Variants in AHR observed in about 807,000 individuals in gnomAD.
The protein encoded by AHR is AH-receptor.
In AHR, 40 loss-of-function variants were observed where a neutral mutation model predicts 86.8. The ratio of observed to expected loss-of-function variants is 0.46; its 90% CI spans 0.36 to 0.60. The LOEUF is 0.60. Among genes scored for constraint, AHR ranks in the 20% least tolerant of loss-of-function variants. The pLI is 0.00. For synonymous variants in AHR, 398 were observed against 354.9 expected (o/e 1.12, Z -1.37); for missense variants, 1,001 against 1,011.6 (o/e 0.99, Z 0.14).
At chr7:17,329,913 C>G in intron 4 of AHR, 39 bp from the exon 5 acceptor site, 1 of 1,554,090 alleles carries the variant, frequency 6.4e-7, no homozygotes, top group Non-Finnish European at 8.7e-7. Flanking sequence ...ATTTTTTAAT[C>G]AGTCCTTTTG....
At position 17,344,946 on chromosome 7, in the gene AHR, T is replaced by C. The variant is rs1019043711; in HGVS notation, c.*1882T>C. The C allele has an allele frequency of 2.7e-5, 4 of 147,610 alleles. No homozygotes were observed. Among genetic ancestry groups the C allele is most frequent in the African/African-American group, 5.0e-5 (2 of 39,824 alleles). The allele number at this position is 147,610 out of a possible 1,614,324, so 9.1% of individuals were successfully genotyped here. The stretch of plus-strand genomic sequence containing the variant: ...ATTCAGCTCTTCTTTTCTTTAGATA[T>C]GAGAGCTGAAGAGCTTAGACACATT... On this transcript the variant is annotated 3_prime_UTR_variant, in exon 11 of 11. Coordinates refer to ENST00000242057, the MANE Select transcript of AHR (RefSeq NM_001621.5).
At position 17,330,884 on chromosome 7, in the gene AHR, C is replaced by G; in HGVS notation, c.703C>G (p.Leu235Val). ...TCTGCTGGATAATTCATCTGGTTTT[C>G]TGGTAAGGTACAAAATTTTATGATA... ...RCLLDNSSGF[L>V]AMNFQGKLKY... The change falls in exon 6 of 11, where the codon CTG becomes GTG. Residue 235 changes from leucine to valine, a missense_variant and splice_region_variant. By Grantham distance (32) the Leu-to-Val change is conservative. Around this residue, in one of 2 missense-constraint regions of AHR, gnomAD observed 394 missense variants for 468.5 expected, o/e 0.84. Coordinates refer to ENST00000242057, the MANE Select transcript of AHR (RefSeq NM_001621.5). 1.9e-6 allele frequency: 3 copies of G among 1,611,198 alleles called. No individual in the cohort carries two copies. Among genetic ancestry groups the G allele is most frequent in the Non-Finnish European group, 8.5e-7 (1 of 1,178,250 alleles).
In AHR at chr7:17,344,484, A is replaced by G. The variant is rs1432388530; in HGVS notation, c.*1420A>G. 6.5e-6 allele frequency: 1 copy of G among 152,704 alleles called. No homozygotes were observed. Among genetic ancestry groups the G allele is most frequent in the Non-Finnish European group, 1.5e-5 (1 of 68,018 alleles). The allele number at this position is 152,704 out of a possible 1,614,324, so 9.5% of individuals were successfully genotyped here. On this transcript the variant is annotated 3_prime_UTR_variant, in exon 11 of 11. Coordinates refer to ENST00000242057, the MANE Select transcript of AHR (RefSeq NM_001621.5). ...ACTGCTTAAAGTTGGTATTAATAAA[A>G]AGACAACCACATAGTTCGTTTACCT...
At chr7:17,319,283 G>A (rs1296377543) in intron 2 of AHR, among the ~76,000 whole-genome samples, 2 of 152,028 alleles carry the variant, frequency 1.3e-5, no homozygotes, top group African/African-American at 4.8e-5. Context: ...TATTGTACAT[G>A]TTATTTTAAT....
intron 9 of AHR, among the ~76,000 whole-genome samples, chr7:17,337,623 C>T (rs1375020185): frequency 3.3e-5 from 5 of 151,052 alleles, no homozygotes; most frequent in Non-Finnish European, 1.5e-5. Context: ...TACAGGCGCC[C>T]GCCACTACGC....
At chr7:17,323,626 T>C (rs182337143) in intron 3 of AHR, among the ~76,000 whole-genome samples, 82 of 152,306 alleles carry the variant, frequency 5.4e-4, no homozygotes, top group Non-Finnish European at 9.9e-4. Context: ...AACTTCACCA[T>C]TGTTACAAAA....
In AHR at chr7:17,312,595, AT is replaced by A. The variant is rs1782077506; in HGVS notation, c.253+2473del. 2.6e-5 allele frequency among the ~76,000 whole-genome samples: 4 copies of A among 152,216 alleles called. No individual in the cohort carries two copies. In the South Asian group the frequency reaches 8.3e-4, roughly 31 times the overall value. On this transcript the variant is annotated intron_variant, in intron 2 of 10. Coordinates refer to ENST00000242057, the MANE Select transcript of AHR (RefSeq NM_001621.5). ...TCAAGTAAAGGAGATCTCACAGTCT[AT>A]CTTATAAAGCATGTCATAGTTTAAC...
chr7:17,330,608 G>T, intron 5 of AHR, 148 bp from the exon 6 acceptor site: 1 of 630,554 alleles, frequency 1.6e-6, no homozygotes, highest in Admixed American at 3.8e-5. Flanking sequence ...TAAACTTTTA[G>T]TTTCTTGTCA....
Position 17,299,136 on chromosome 7 carries a change from G to C in AHR, c.-129G>C. The C allele has an allele frequency of 1.0e-6, 1 of 1,003,408 alleles. No homozygotes were observed. The highest frequency in any genetic ancestry group is 1.4e-6 in the Non-Finnish European group (1 of 717,356). The allele number at this position is 1,003,408 out of a possible 1,614,324, so 62.2% of individuals were successfully genotyped here. A position where few individuals can be genotyped will look rare whatever the true frequency, so the allele number is the denominator to read the frequency against. ...GGCGCCCACGCCACTGTCCCGAGAG[G>C]ACGCAGGTGGAGCGGGCGCGGCTTC... On this transcript the variant is annotated 5_prime_UTR_variant, in exon 1 of 11. Transcript: ENST00000242057.
At chr7:17,327,887 C>A (rs1782245933) in intron 4 of AHR, 39 bp downstream of exon 4, 4 of 917,940 alleles carry the variant, frequency 4.4e-6, no homozygotes, top group Admixed American at 3.7e-5. Flanking sequence ...ATTATTATAT[C>A]ATTTACTTTT....
chr7:17,344,784 C>T lies in AHR; in HGVS notation c.*1720C>T, dbSNP rs1269993501. 1 of 151,836 alleles carries T rather than the reference C, an allele frequency of 6.6e-6. No homozygotes were observed. The highest frequency in any genetic ancestry group is 2.4e-5 in the African/African-American group (1 of 41,336). 9.4% of individuals were successfully genotyped at this position (151,836 alleles called of 1,614,324 possible). On this transcript the variant is annotated 3_prime_UTR_variant, in exon 11 of 11. Coordinates refer to ENST00000242057, the MANE Select transcript of AHR (RefSeq NM_001621.5). ...TGCTGGGATTACAGGCATGTGCCAC[C>T]ATGCCCAGCTAATTTTTGTATTTTT...
rs565977609 is a variant in AHR, at chr7:17,325,346, T to C, written c.361-2413T>C. Among the ~76,000 whole-genome samples the C allele has an allele frequency of 4.6e-5, 7 of 152,294 alleles. No individual in the cohort carries two copies. In the South Asian group the frequency reaches 1.0e-3, roughly 23 times the overall value. On this transcript the variant is annotated intron_variant, in intron 3 of 10. Transcript: ENST00000242057. ...CTGGCATGTACACCAATGAGTTTAT[T>C]GGAATGTGACTAAATTTGTTTCACT...
intron 2 of AHR, among the ~76,000 whole-genome samples, chr7:17,317,042 A>G (rs1165259663): frequency 6.7e-6 from 1 of 150,202 alleles, no homozygotes. Context: ...TATAATTAAA[A>G]TTGTTACTGT....
chr7:17,341,545 G>T (rs1222027056), intron 10 of AHR, among the ~76,000 whole-genome samples: 1 of 152,076 alleles, frequency 6.6e-6, no homozygotes, highest in African/African-American at 2.4e-5. Flanking sequence ...CAGAGTACAT[G>T]TTATTGAGCT....
chr7:17,336,020 T>A (rs1414505744), intron 9 of AHR: 1 of 375,786 alleles, frequency 2.7e-6, no homozygotes, highest in Non-Finnish European at 4.7e-6. Flanking sequence ...GGGTTTTATC[T>A]TGGGCATATG....
intron 1 of AHR, among the ~76,000 whole-genome samples, chr7:17,307,861 G>A (rs866922496): frequency 9.9e-5 from 15 of 152,142 alleles, no homozygotes; most frequent in East Asian, 7.7e-4. Context: ...GATTTCTATC[G>A]TTACTTTGCT....
Position 17,299,030 on chromosome 7 carries a change from C to G in AHR, c.-235C>G. The G allele has an allele frequency of 2.1e-6, 1 of 481,414 alleles. No homozygotes were observed. The highest frequency in any genetic ancestry group is 3.6e-6 in the Non-Finnish European group (1 of 279,502). The allele number at this position is 481,414 out of a possible 1,614,324, so 29.8% of individuals were successfully genotyped here. ...CTCGCGGGTCTCCGCCCCTCGCCCACCCTCACTGCGCCAGGCCCAGGCAGC... is the reference window on the plus strand; with the variant it reads ...CTCGCGGGTCTCCGCCCCTCGCCCAGCCTCACTGCGCCAGGCCCAGGCAGC... On this transcript the variant is annotated 5_prime_UTR_variant, in exon 1 of 11. Transcript: ENST00000242057.
At chr7:17,318,234 CCAATT>C (rs2115357194) in intron 2 of AHR, among the ~76,000 whole-genome samples, 1 of 151,852 alleles carries the variant, frequency 6.6e-6, no homozygotes, top group East Asian at 1.9e-4. Context: ...TTTTCCTTGA[CCAATT>C]CAAAGCATGT....
At chr7:17,333,494 A>G (rs1037492249) in intron 6 of AHR, among the ~76,000 whole-genome samples, 1 of 152,002 alleles carries the variant, frequency 6.6e-6, no homozygotes, top group Admixed American at 6.6e-5. Flanking sequence ...AAGATTATGA[A>G]CTATGCAGTA....
Sources: allele counts gnomAD v4.1 joint callset (sites outside exome capture counted in the v4.1 genomes callset), GRCh38; gene constraint gnomAD v4.1.1; regional missense constraint gnomAD v4.1.1; transcripts MANE v1.5; gene names NCBI Gene and HGNC (gene_info 2026-07-23, HGNC 2026-07-21).